Variants in GFRAL observed in about 807,000 individuals in gnomAD.
GFRAL encodes the protein GDNF family receptor alpha-like.
A neutral mutation model predicts 45.4 loss-of-function variants in GFRAL; 36 were observed. That is an observed-to-expected ratio of 0.79 (90% CI 0.61 to 1.05). GFRAL has a LOEUF of 1.05. Among genes scored for constraint, GFRAL ranks in the 50% least tolerant of loss-of-function variants. The probability of loss-of-function intolerance (pLI) is 0.00; values close to 1 mark genes in which losing one functional copy is unlikely to be tolerated. For synonymous variants in GFRAL, 166 were observed against 154.1 expected (o/e 1.08, Z -0.57); for missense variants, 507 against 467.5 (o/e 1.08, Z -0.78).
At chr6:55,385,132 G>A (rs1768662520) in intron 6 of GFRAL, among the ~76,000 whole-genome samples, 3 of 152,026 alleles carry the variant, frequency 2.0e-5, no homozygotes, top group African/African-American at 7.2e-5. Context: ...ATGACCAGAA[G>A]CATATCAAGA....
At chr6:55,392,327 A>AT (rs1768764092) in intron 6 of GFRAL, among the ~76,000 whole-genome samples, 1 of 152,174 alleles carries the variant, frequency 6.6e-6, no homozygotes, top group Non-Finnish European at 1.5e-5. Context: ...CTCCATATTG[A>AT]TTGTCATTAT....
At chr6:55,369,406 C>CG (rs1768418529) in intron 6 of GFRAL, among the ~76,000 whole-genome samples, 1 of 152,186 alleles carries the variant, frequency 6.6e-6, no homozygotes, top group Admixed American at 6.5e-5. Flanking sequence ...CCATCTTCTG[C>CG]GTCGCTCAGG....
At position 55,333,905 on chromosome 6, in the gene GFRAL, G is replaced by A; in HGVS notation, c.277G>A (p.Val93Met). 1 of 1,579,708 alleles carries A rather than the reference G, an allele frequency of 6.3e-7. No homozygotes were observed. Among genetic ancestry groups the A allele is most frequent in the South Asian group, 1.2e-5 (1 of 84,950 alleles). Residue 93 changes from valine to methionine, a missense_variant, in exon 3 of 9, where the codon GTG becomes ATG. Val to Met is a conservative substitution (Grantham distance 21, BLOSUM62 1). Coordinates refer to ENST00000340465, the MANE Select transcript of GFRAL (RefSeq NM_207410.2). ...CLCTDDFYCTVNKLLGKKCIN... is the reference protein window; with the variant it reads ...CLCTDDFYCTMNKLLGKKCIN... Reference sequence around the variant, plus strand: ...TTGCACTGATGACTTCTATTGTACTGTGAACAAACTGCTTGGAAAAAAATG... The same window carrying A: ...TTGCACTGATGACTTCTATTGTACTATGAACAAACTGCTTGGAAAAAAATG...
At chr6:55,365,768 C>G (rs1352306305) in intron 6 of GFRAL, among the ~76,000 whole-genome samples, 5 of 150,474 alleles carry the variant, frequency 3.3e-5, no homozygotes, top group Non-Finnish European at 4.4e-5. Context: ...ATTGAACCAG[C>G]CTTGCATCCC....
chr6:55,349,971 C>A, intron 3 of GFRAL, 121 bp from the exon 4 acceptor site: 3 of 681,160 alleles, frequency 4.4e-6, no homozygotes, highest in Non-Finnish European at 8.0e-6. Flanking sequence ...GTTACATAAC[C>A]TTGTATGTAC....
intron 3 of GFRAL, among the ~76,000 whole-genome samples, chr6:55,347,500 C>T (rs192586347): frequency 4.6e-5 from 7 of 151,838 alleles, no homozygotes; most frequent in South Asian, 2.1e-4. Context: ...GTACCTGAGT[C>T]GATGCTGAAT....
At chr6:55,344,167 A>T (rs1360153393) in intron 3 of GFRAL, among the ~76,000 whole-genome samples, 1 of 152,076 alleles carries the variant, frequency 6.6e-6, no homozygotes. Context: ...AAAAAGAGGG[A>T]ATGCTCCCTA....
rs1768902692 is a variant in GFRAL, at chr6:55,401,849, T to G, written c.1181T>G (p.Leu394Arg). Residue 394 changes from leucine (L) to arginine (R), a missense_variant, in exon 9 of 9, where the codon CTC (leucine) becomes CGC (arginine). Leu to Arg is a moderately radical substitution (Grantham distance 102). Transcript: ENST00000340465. Reference protein sequence around the residue: ...DPSSIQIPGEL With the variant: ...DPSSIQIPGER ...TCATCGATCCAAATACCTGGAGAAC[T>G]CTGATTCATTAGGAGTCATGGACCT... is the stretch of plus-strand genomic sequence containing the variant. The G allele has an allele frequency of 6.7e-7, 1 of 1,494,936 alleles. No homozygotes were observed. Among genetic ancestry groups the G allele is most frequent in the Non-Finnish European group, 9.3e-7 (1 of 1,070,872 alleles). 92.6% of individuals were successfully genotyped at this position (1,494,936 alleles called of 1,614,324 possible).
chr6:55,343,186 A>G (rs1767993223), intron 3 of GFRAL, among the ~76,000 whole-genome samples: 1 of 152,210 alleles, frequency 6.6e-6, no homozygotes, highest in South Asian at 2.1e-4. Context: ...CCTAATAGAC[A>G]TCTACAGAAC....
intron 6 of GFRAL, among the ~76,000 whole-genome samples, chr6:55,397,721 C>G (rs1768845842): frequency 6.6e-6 from 1 of 152,034 alleles, no homozygotes; most frequent in African/African-American, 2.4e-5. Flanking sequence ...ACACAGTGCT[C>G]AAATCTTGGC....
chr6:55,400,907 T>C (rs1472864240), intron 8 of GFRAL, among the ~76,000 whole-genome samples: 1 of 152,208 alleles, frequency 6.6e-6, no homozygotes, highest in African/African-American at 2.4e-5. Flanking sequence ...AACATCTTAC[T>C]TTAATGGTTC....
intron 6 of GFRAL, among the ~76,000 whole-genome samples, chr6:55,381,894 A>G (rs1367980387): frequency 6.6e-6 from 1 of 151,906 alleles, no homozygotes; most frequent in Admixed American, 6.6e-5. Flanking sequence ...AAATGCACAT[A>G]CATCACCTTC....
rs183174090 is a variant in GFRAL at position 55,338,203 on chromosome 6, G to T, written c.316+4259G>T. ...TCTCCTGGGTTCAAGCTATTCCTCT[G>T]CCTCAGCCCCTGAGTAGCTGGGATT... On this transcript the variant is annotated intron_variant, in intron 3 of 8. Transcript: ENST00000340465. 3.0e-3 allele frequency among the ~76,000 whole-genome samples: 452 copies of T among 152,116 alleles called. 1 individual carries two copies. The highest frequency in any genetic ancestry group is 4.5e-3 in the Non-Finnish European group (309 of 68,000).
Position 55,331,826 on chromosome 6 carries a change from T to C in GFRAL, c.134T>C (p.Met45Thr), listed in dbSNP as rs1414030744. 9.3e-6 allele frequency: 15 copies of C among 1,610,744 alleles called. No individual in the cohort carries two copies. The Admixed American group carries it at 1.5e-4, about 16-fold the overall frequency. The change falls in exon 2 of 9, where the codon ATG becomes ACG. Residue 45 changes from methionine (M) to threonine (T), a missense_variant. Coordinates refer to ENST00000340465, the MANE Select transcript of GFRAL (RefSeq NM_207410.2). ...GGATGTAAACATGCTTGGAGAGTAA[T>C]GGAAGATGCCTGCAATGATTCAGGT... ...ANGCKHAWRV[M>T]EDACNDSDPG...
intron 6 of GFRAL, among the ~76,000 whole-genome samples, chr6:55,396,004 G>A (rs1452048642): frequency 2.6e-5 from 4 of 152,252 alleles, no homozygotes; most frequent in East Asian, 3.9e-4. Flanking sequence ...AAATAGAGCA[G>A]ATGGTCTGGG....
intron 3 of GFRAL, among the ~76,000 whole-genome samples, chr6:55,347,125 T>C (rs116485310): frequency 0.013 from 1,946 of 152,182 alleles, 22 homozygotes; most frequent in Non-Finnish European, 0.022. Flanking sequence ...AAACTGTTCC[T>C]TTATCTGAAT....
intron 3 of GFRAL, among the ~76,000 whole-genome samples, chr6:55,342,459 C>A (rs1767981457): frequency 6.6e-6 from 1 of 151,990 alleles, no homozygotes. Flanking sequence ...AAATACTTTA[C>A]AGAAAAGCAA....
At chr6:55,358,806 T>G in intron 5 of GFRAL, 82 bp from the exon 6 acceptor site, 1 of 1,343,994 alleles carries the variant, frequency 7.4e-7, no homozygotes, top group South Asian at 1.3e-5. Flanking sequence ...GTTCTATGTC[T>G]TTCATTAGGT....
intron 6 of GFRAL, among the ~76,000 whole-genome samples, chr6:55,376,223 G>A (rs1768532666): frequency 6.6e-6 from 1 of 152,036 alleles, no homozygotes; most frequent in African/African-American, 2.4e-5. Context: ...TGATCGTGGT[G>A]GATAAGATTT....
Sources: allele counts gnomAD v4.1 joint callset (sites outside exome capture counted in the v4.1 genomes callset), GRCh38; gene constraint gnomAD v4.1.1; transcripts MANE v1.5; gene names NCBI Gene and HGNC (gene_info 2026-07-23, HGNC 2026-07-21).